Variants in SLC25A51 observed in about 807,000 individuals in gnomAD.
The protein encoded by SLC25A51 is solute carrier family 25 member 51.
A neutral mutation model predicts 19.1 loss-of-function variants in SLC25A51; 11 were observed. The observed-to-expected ratio is 0.58, with a 90% CI of 0.36 to 0.96. The LOEUF (loss-of-function observed/expected upper bound fraction) is 0.96. Among genes scored for constraint, SLC25A51 ranks in the 40% least tolerant of loss-of-function variants. SLC25A51 has a pLI of 0.01. For missense variants in SLC25A51, 201 were observed against 365.4 expected (o/e 0.55, Z 3.67); for synonymous variants, 105 against 133.6 (o/e 0.79, Z 1.47).
chr9:37,898,293 C>T (rs1405752774), intron 2 of SLC25A51, among the ~76,000 whole-genome samples: 3 of 152,152 alleles, frequency 2.0e-5, no homozygotes, highest in Non-Finnish European at 4.4e-5. Context: ...CGGTGGCTCA[C>T]GCCTGTAATC....
chr9:37,896,486 A>C (rs1831718413), intron 2 of SLC25A51, among the ~76,000 whole-genome samples: 1 of 152,158 alleles, frequency 6.6e-6, no homozygotes. Flanking sequence ...CCACAGAATG[A>C]GGCATATATA....
At chr9:37,888,706 G>A in intron 2 of SLC25A51, 114 bp from the exon 3 acceptor site, 2 of 831,234 alleles carry the variant, frequency 2.4e-6, no homozygotes, top group Non-Finnish European at 1.8e-6. Flanking sequence ...TTTCAGACTA[G>A]ATCAGTGATT....
chr9:37,887,631 T>C lies in SLC25A51; in HGVS notation c.*26A>G, dbSNP rs1831490062. 1 of 1,585,368 alleles carries C rather than the reference T, an allele frequency of 6.3e-7. No individual in the cohort carries two copies. The highest frequency in any genetic ancestry group is 2.2e-5 in the East Asian group (1 of 44,604). ...CTTCTTAGAAGGTCTATTCAGTTGA[T>C]AAATGGCACTTAACTGATGGTTTTT... On this transcript the variant is annotated 3_prime_UTR_variant, in exon 3 of 3. Transcript: ENST00000242275.
At chr9:37,880,299 C>T in exon 4 of SLC25A51, 1 of 140,040 alleles carries the variant, frequency 7.1e-6, no homozygotes, top group Non-Finnish European at 1.5e-5. Flanking sequence ...GCGACAGAGA[C>T]CACGTCTCAA....
intron 1 of SLC25A51, among the ~76,000 whole-genome samples, chr9:37,902,596 G>A (rs1263392462): frequency 1.3e-5 from 2 of 152,146 alleles, no homozygotes; most frequent in Non-Finnish European, 2.9e-5. Context: ...CTGTGAACAT[G>A]GTTAAATTTC....
downstream of SLC25A51, among the ~76,000 whole-genome samples, chr9:37,886,970 T>C (rs1225036118): frequency 1.3e-5 from 2 of 149,318 alleles, no homozygotes; most frequent in Non-Finnish European, 1.5e-5. Context: ...GAGACCATCC[T>C]GGCTAACACG....
chr9:37,893,475 G>C (rs1831642999), intron 2 of SLC25A51, among the ~76,000 whole-genome samples: 2 of 152,148 alleles, frequency 1.3e-5, no homozygotes, highest in Non-Finnish European at 2.9e-5. Context: ...CCCACTCAAA[G>C]AAAGTCACTT....
exon 4 of SLC25A51, chr9:37,879,626 C>T (rs1399481755): frequency 1.0e-5 from 1 of 96,452 alleles, no homozygotes; most frequent in Non-Finnish European, 2.2e-5. Flanking sequence ...CTATTTGCAA[C>T]GTAATTAAAA....
Position 37,904,096 on chromosome 9 carries a change from C to T in SLC25A51, c.-193G>A, listed in dbSNP as rs1831921866. 6.6e-6 allele frequency: 1 copy of T among 152,374 alleles called. No homozygotes were observed. Among genetic ancestry groups the T allele is most frequent in the African/African-American group, 2.4e-5 (1 of 41,468 alleles). The allele number at this position is 152,374 out of a possible 1,614,324, so 9.4% of individuals were successfully genotyped here. ...TCAGCGCCGGCGTCCCGCAGGACGG[C>T]TAGCGAGCCGGGGCCCGCGCAGGCG... is the stretch of plus-strand genomic sequence containing the variant. On this transcript the variant is annotated 5_prime_UTR_variant, in exon 1 of 3. Transcript: ENST00000242275.
intron 2 of SLC25A51, among the ~76,000 whole-genome samples, chr9:37,882,178 A>G (rs1017253381): frequency 5.3e-5 from 8 of 152,238 alleles, no homozygotes; most frequent in Non-Finnish European, 1.2e-4. Context: ...CAAGTCTTTG[A>G]TATACATTTG....
intron 2 of SLC25A51, among the ~76,000 whole-genome samples, chr9:37,897,484 T>G (rs1303766789): frequency 1.3e-5 from 2 of 152,162 alleles, no homozygotes; most frequent in Non-Finnish European, 2.9e-5. Context: ...TCTTACTATG[T>G]CTCAGTTTTT....
Position 37,889,113 on chromosome 9 carries a change from C to T in SLC25A51, c.-42-521G>A, listed in dbSNP as rs139647905. Among the ~76,000 whole-genome samples, 559 of 152,240 alleles carry T rather than the reference C, an allele frequency of 3.7e-3. 4 individuals are homozygous for T. Among genetic ancestry groups the T allele is most frequent in the African/African-American group, 0.013 (536 of 41,532 alleles). ...TTGGGGCCCACAATCATTTTTAAGA[C>T]TGTAAAGGAGTCCTAACACCAAAAA... is the stretch of plus-strand genomic sequence containing the variant. On this transcript the variant is annotated intron_variant, in intron 2 of 2. Transcript: ENST00000242275.
chr9:37,900,449 GAA>G (rs543345911), intron 1 of SLC25A51, among the ~76,000 whole-genome samples: 3 of 131,134 alleles, frequency 2.3e-5, no homozygotes, highest in Admixed American at 7.8e-5. Context: ...ACTCTATCCA[GAA>G]AAAAAAAAAA....
downstream of SLC25A51, chr9:37,878,973 A>G: frequency 4.2e-6 from 1 of 237,558 alleles, no homozygotes. Context: ...AATGGTAAGG[A>G]AAAACTTTGC....
At chr9:37,897,142 T>C (rs991141867) in intron 2 of SLC25A51, among the ~76,000 whole-genome samples, 2 of 152,230 alleles carry the variant, frequency 1.3e-5, no homozygotes, top group Non-Finnish European at 2.9e-5. Flanking sequence ...CCTTAAAGCA[T>C]TAAAATTTTC....
intron 2 of SLC25A51, among the ~76,000 whole-genome samples, chr9:37,889,163 G>A (rs1434637762): frequency 3.9e-5 from 6 of 152,242 alleles, no homozygotes; most frequent in Admixed American, 2.0e-4. Flanking sequence ...AGACTAGTTC[G>A]TAATTACTGA....
chr9:37,893,938 C>T (rs948594605), intron 2 of SLC25A51, among the ~76,000 whole-genome samples: 5 of 152,150 alleles, frequency 3.3e-5, no homozygotes, highest in Non-Finnish European at 7.3e-5. Context: ...ACTCTGTTCA[C>T]GCTCACCCAC....
At chr9:37,884,199 A>C (rs1831402187), downstream of SLC25A51, among the ~76,000 whole-genome samples, 1 of 152,228 alleles carries the variant, frequency 6.6e-6, no homozygotes, top group African/African-American at 2.4e-5. Context: ...CCACTTTTTC[A>C]GTCTGTCTCT....
intron 2 of SLC25A51, among the ~76,000 whole-genome samples, chr9:37,898,770 G>T (rs1429262416): frequency 6.6e-6 from 1 of 152,124 alleles, no homozygotes; most frequent in Non-Finnish European, 1.5e-5. Context: ...CTAGTCAACT[G>T]ATAAGTCAAA....
Sources: allele counts gnomAD v4.1 joint callset (sites outside exome capture counted in the v4.1 genomes callset), GRCh38; gene constraint gnomAD v4.1.1; transcripts MANE v1.5; gene names NCBI Gene and HGNC (gene_info 2026-07-23, HGNC 2026-07-21).